Variants in CMC2 observed in about 807,000 individuals in gnomAD.
CMC2 encodes COX assembly mitochondrial protein 2 homolog.
CMC2 carries 5 observed loss-of-function variants against 7.5 expected under a neutral mutation model. The observed-to-expected ratio is 0.66, with a 90% CI of 0.35 to 1.40. CMC2 has a LOEUF of 1.40. CMC2 is among the 40% of genes most tolerant of loss of function. The probability of loss-of-function intolerance (pLI) is 0.04; values close to 1 mark genes in which losing one functional copy is unlikely to be tolerated. For missense variants in CMC2, 115 were observed against 92.3 expected, an observed-to-expected ratio of 1.25 and a Z score of -1.01; for synonymous variants, 37 against 31.4, an observed-to-expected ratio of 1.18 and a Z score of -0.60.
At chr16:81,004,803 G>C (rs1214753273) in intron 1 of CMC2, among the ~76,000 whole-genome samples, 2 of 152,188 alleles carry the variant, frequency 1.3e-5, no homozygotes, top group Non-Finnish European at 2.9e-5. Context: ...AGTAGTCTAA[G>C]ACAGATTTCA....
At chr16:81,004,597 T>G (rs1020028653) in intron 1 of CMC2, among the ~76,000 whole-genome samples, 12 of 152,250 alleles carry the variant, frequency 7.9e-5, no homozygotes, top group African/African-American at 2.9e-4. Context: ...CTGAAATTCC[T>G]TAAAATTTTC....
At chr16:80,991,242 T>G (rs188654019) in intron 2 of CMC2, among the ~76,000 whole-genome samples, 3 of 152,170 alleles carry the variant, frequency 2.0e-5, no homozygotes, top group African/African-American at 7.2e-5. Context: ...CTCCACCACC[T>G]TGGAGGAACA....
At chr16:80,995,767 G>A (rs963989001) in intron 2 of CMC2, among the ~76,000 whole-genome samples, 4 of 152,190 alleles carry the variant, frequency 2.6e-5, no homozygotes, top group African/African-American at 9.7e-5. Context: ...CAAGACGTAA[G>A]TTAAGGGTTG....
At chr16:80,986,009 G>T (rs189741998) in intron 2 of CMC2, among the ~76,000 whole-genome samples, 4 of 151,668 alleles carry the variant, frequency 2.6e-5, no homozygotes, top group East Asian at 1.9e-4. Flanking sequence ...GAAACACAAG[G>T]CAAGACATTT....
rs1476555638 is a variant in CMC2, at chr16:80,967,337, GTT to G, written c.*8754_*8755del. ...CTTTGAAAAGATATCCTCGTTTTTT[GTT>G]TTGTTTTGTTTTGTTTTTTGAGACG... On this transcript the variant is annotated 3_prime_UTR_variant, in exon 4 of 4. Transcript: ENST00000219400. 2 of 149,176 alleles carry G rather than the reference GTT, an allele frequency of 1.3e-5. No individual in the cohort carries two copies. The highest frequency in any genetic ancestry group is 2.9e-5 in the Non-Finnish European group (2 of 68,878). The allele number at this position is 149,176 out of a possible 1,614,324, so 9.2% of individuals were successfully genotyped here. A position where few individuals can be genotyped will look rare whatever the true frequency, so the allele number is the denominator to read the frequency against.
intron 3 of CMC2, among the ~76,000 whole-genome samples, chr16:80,981,241 G>A (rs1967089695): frequency 6.6e-6 from 1 of 151,418 alleles, no homozygotes; most frequent in Non-Finnish European, 1.5e-5. Flanking sequence ...TGCTTATTTG[G>A]CAGTGCCTGG....
chr16:81,006,588 C>T (rs971111945), intron 1 of CMC2, 146 bp downstream of exon 1: 4 of 501,572 alleles, frequency 8.0e-6, no homozygotes, highest in African/African-American at 4.2e-5. Context: ...AGCAGCCCGG[C>T]TGTGGGCCTG....
intron 2 of CMC2, among the ~76,000 whole-genome samples, chr16:80,985,221 GAAGGTAC>G (rs1967429260): frequency 6.6e-6 from 1 of 152,160 alleles, no homozygotes; most frequent in Non-Finnish European, 1.5e-5. Context: ...CCTTTTCAGG[GAAGGTAC>G]AAGGTCAAAA....
intron 1 of CMC2, among the ~76,000 whole-genome samples, chr16:81,002,576 T>C (rs1968946092): frequency 6.6e-6 from 1 of 152,234 alleles, no homozygotes; most frequent in Admixed American, 6.5e-5. Flanking sequence ...GCTTATGATG[T>C]ACTGAAATGA....
chr16:80,976,057 T>A lies in CMC2; in HGVS notation c.*36A>T. ...CAGGTATCAACCCAGAGTCTTTAGGTCTTCTCTCAGCCAAGGCATCGAGTG... is the reference window on the plus strand; with the variant it reads ...CAGGTATCAACCCAGAGTCTTTAGGACTTCTCTCAGCCAAGGCATCGAGTG... On this transcript the variant is annotated 3_prime_UTR_variant, in exon 4 of 4. Coordinates refer to ENST00000219400, the MANE Select transcript of CMC2 (RefSeq NM_020188.5). 1 of 1,196,550 alleles carries A rather than the reference T, an allele frequency of 8.4e-7. No homozygotes were observed. The highest frequency in any genetic ancestry group is 1.2e-6 in the Non-Finnish European group (1 of 801,636). 74.1% of individuals were successfully genotyped at this position (1,196,550 alleles called of 1,614,324 possible).
intron 3 of CMC2, chr16:80,978,295 AG>A: frequency 8.2e-7 from 1 of 1,221,004 alleles, no homozygotes. Context: ...AAGGGTCTTA[AG>A]GGAAACTCTT....
chr16:80,981,917 T>A (rs1401360802), intron 2 of CMC2, 40 bp from the exon 3 acceptor site: 2 of 1,328,674 alleles, frequency 1.5e-6, no homozygotes, highest in East Asian at 2.3e-5. Flanking sequence ...CATCCCATAA[T>A]ATGCCAAGGT....
chr16:80,984,201 G>A (rs549843639), intron 2 of CMC2: 2 of 152,282 alleles, frequency 1.3e-5, no homozygotes, highest in South Asian at 4.1e-4. Flanking sequence ...TTAAGAACCT[G>A]AATTTCAGTA....
At chr16:80,997,259 G>A (rs900647313) in intron 2 of CMC2, 55 bp downstream of exon 2, 5 of 950,194 alleles carry the variant, frequency 5.3e-6, no homozygotes, top group Non-Finnish European at 8.7e-6. Context: ...TTTTACATCA[G>A]TGGGTTATAA....
At position 80,981,796 on chromosome 16, in the gene CMC2, C is replaced by G; in HGVS notation, c.153+10G>C. 7 of 1,580,454 alleles carry G rather than the reference C, an allele frequency of 4.4e-6. No individual in the cohort carries two copies. Among genetic ancestry groups the G allele is most frequent in the Non-Finnish European group, 5.2e-6 (6 of 1,151,780 alleles). ...GTTCAACCATATCCATCCTTTGACA[C>G]TTTTCTTACCTCATTCTTCAGGCAT... On this transcript the variant is annotated intron_variant, in intron 3 of 3. Transcript: ENST00000219400.
Position 80,994,699 on chromosome 16 carries a change from G to C in CMC2, c.81+2615C>G, listed in dbSNP as rs2549861. On this transcript the variant is annotated intron_variant, in intron 2 of 3. Transcript: ENST00000219400. ...CTTAAAAAGTTTATAATATTAGGCAGTGGTGATGGACAGTGGTAGGAATGT... is the reference window on the plus strand; with the variant it reads ...CTTAAAAAGTTTATAATATTAGGCACTGGTGATGGACAGTGGTAGGAATGT... Among the ~76,000 whole-genome samples the C allele has an allele frequency of 5.7e-3, 871 of 152,168 alleles. 8 individuals carry two copies. Among genetic ancestry groups the C allele is most frequent in the African/African-American group, 0.02 (828 of 41,506 alleles).
Position 80,972,690 on chromosome 16 carries a change from A to G in CMC2, c.*3403T>C, listed in dbSNP as rs1912013011. ...CCTTGGCCTAAGTTCTTCAGCTTCC[A>G]AGAGATGGTCTCTTATGACCCAAAA... is the stretch of plus-strand genomic sequence containing the variant. On this transcript the variant is annotated 3_prime_UTR_variant, in exon 4 of 4. Transcript: ENST00000219400. 1 of 152,200 alleles carries G rather than the reference A, an allele frequency of 6.6e-6. No individual in the cohort carries two copies. The highest frequency in any genetic ancestry group is 1.5e-5 in the Non-Finnish European group (1 of 68,028). The allele number at this position is 152,200 out of a possible 1,614,324, so 9.4% of individuals were successfully genotyped here.
At chr16:81,005,366 C>T (rs1297733560) in intron 1 of CMC2, among the ~76,000 whole-genome samples, 7 of 151,978 alleles carry the variant, frequency 4.6e-5, no homozygotes, top group African/African-American at 1.7e-4. Context: ...GAGCCGAGAT[C>T]GCGCCACTGC....
chr16:80,992,440 C>T (rs1297233007), intron 2 of CMC2, among the ~76,000 whole-genome samples: 1 of 152,166 alleles, frequency 6.6e-6, no homozygotes, highest in Non-Finnish European at 1.5e-5. Flanking sequence ...GCAAATTCCT[C>T]TCTATAAAGA....
Sources: gnomAD v4.1 joint callset for allele counts (sites outside exome capture counted in the v4.1 genomes callset) on GRCh38, gnomAD v4.1.1 for gene constraint, MANE v1.5 for transcripts, NCBI Gene and HGNC (gene_info 2026-07-23, HGNC 2026-07-21) for gene names.